Variants in SDK1 observed in about 807,000 individuals in gnomAD.
The protein encoded by SDK1 is protein sidekick-1.
SDK1 carries 157 observed loss-of-function variants against 245.5 expected under a neutral mutation model. The observed-to-expected ratio is 0.64, with a 90% CI of 0.56 to 0.73. The LOEUF is 0.73. Ranked by LOEUF, SDK1 falls within the 30% of genes least tolerant of loss-of-function variation. The pLI is 0.00. For missense variants in SDK1, 3,583 were observed against 3,002.3 expected (o/e 1.19, Z -4.52); for synonymous variants, 1,647 against 1,278.5 (o/e 1.29, Z -6.15).
At chr7:3,988,869 T>G (rs2128139975) in intron 14 of SDK1, among the ~76,000 whole-genome samples, 1 of 152,248 alleles carries the variant, frequency 6.6e-6, no homozygotes, top group Non-Finnish European at 1.5e-5. Context: ...CCTCCTGGGT[T>G]CAAGCGATTC....
Position 4,077,229 on chromosome 7 carries a change from C to G in SDK1, c.3202+40C>G, listed in dbSNP as rs200330502. 1.1e-3 allele frequency: 1,796 copies of G among 1,583,058 alleles called. 2 individuals carry two copies. Among genetic ancestry groups the G allele is most frequent in the Middle Eastern group, 2.0e-3 (12 of 5,954 alleles). ...GTGCGGTCCTCCTGCTGTCACCTTT[C>G]TCTTGGAGATTCCCGAGGCTAGAAG... On this transcript the variant is annotated intron_variant, in intron 21 of 44. Coordinates refer to ENST00000404826, the MANE Select transcript of SDK1 (RefSeq NM_152744.4).
chr7:4,102,261 G>A (rs1275226717), intron 22 of SDK1, among the ~76,000 whole-genome samples: 2 of 152,114 alleles, frequency 1.3e-5, no homozygotes, highest in African/African-American at 2.4e-5. Flanking sequence ...CCCTCTGCAG[G>A]GGCCCTCCAG....
rs1390572173 is a variant in SDK1, at chr7:4,237,668, A to T, written c.6014A>T (p.Tyr2005Phe). Reference sequence around the variant, plus strand: ...ACAGCTCAAGTGGAAGCCCCATTCTACGAGGAGTGGTGGTTCCTCCTGGTG... The same window carrying T: ...ACAGCTCAAGTGGAAGCCCCATTCTTCGAGGAGTGGTGGTTCCTCCTGGTG... ...AVSAQVEAPF[Y>F]EEWWFLLVMA... Residue 2005 changes from tyrosine (Y) to phenylalanine (F), a missense_variant, in exon 42 of 45, where the codon TAC becomes TTC. By Grantham distance (22) the Tyr-to-Phe change is conservative. Coordinates refer to ENST00000404826, the MANE Select transcript of SDK1 (RefSeq NM_152744.4). The T allele has an allele frequency of 6.2e-7, 1 of 1,614,092 alleles. No individual in the cohort carries two copies. Among genetic ancestry groups the T allele is most frequent in the Admixed American group, 1.7e-5 (1 of 60,010 alleles).
intron 10 of SDK1, 126 bp downstream of exon 10, chr7:3,967,560 C>T (rs1782175561): frequency 1.5e-6 from 1 of 672,870 alleles, no homozygotes; most frequent in Non-Finnish European, 2.6e-6. Flanking sequence ...GATTAAATAA[C>T]TCTTATTGCA....
intron 38 of SDK1, among the ~76,000 whole-genome samples, chr7:4,213,014 C>T (rs965926192): frequency 6.6e-6 from 1 of 152,182 alleles, no homozygotes; most frequent in African/African-American, 2.4e-5. Flanking sequence ...GGGCTGGGCG[C>T]AGGGGCCTGT....
chr7:3,795,561 C>T (rs959687486), intron 4 of SDK1, among the ~76,000 whole-genome samples: 3 of 152,092 alleles, frequency 2.0e-5, no homozygotes, highest in South Asian at 2.1e-4. Flanking sequence ...CCTTTTACCC[C>T]TCACTGTATC....
intron 5 of SDK1, among the ~76,000 whole-genome samples, chr7:3,947,176 C>T (rs1010557582): frequency 6.6e-6 from 1 of 152,182 alleles, no homozygotes; most frequent in African/African-American, 2.4e-5. Context: ...CACACACACA[C>T]ACGCTTCTTT....
intron 4 of SDK1, among the ~76,000 whole-genome samples, chr7:3,770,927 C>A: frequency 6.6e-6 from 1 of 152,248 alleles, no homozygotes; most frequent in East Asian, 1.9e-4. Context: ...CATCTTCCTC[C>A]AGTCCTGGGG....
At chr7:3,678,448 G>A (rs1253905469) in intron 4 of SDK1, among the ~76,000 whole-genome samples, 1 of 152,206 alleles carries the variant, frequency 6.6e-6, no homozygotes, top group Non-Finnish European at 1.5e-5. Context: ...TAAAAGGCAG[G>A]AGCTTTGAAA....
At chr7:3,485,173 T>G (rs1051056223) in intron 1 of SDK1, among the ~76,000 whole-genome samples, 1 of 152,130 alleles carries the variant, frequency 6.6e-6, no homozygotes, top group Non-Finnish European at 1.5e-5. Flanking sequence ...TGTTATTTTC[T>G]GTCTTTTTGA....
At chr7:3,570,600 T>C (rs1780083558) in intron 1 of SDK1, among the ~76,000 whole-genome samples, 1 of 152,232 alleles carries the variant, frequency 6.6e-6, no homozygotes, top group South Asian at 2.1e-4. Context: ...AATTCTGTCT[T>C]ATCTGGAAAT....
At chr7:4,164,033 T>A (rs1781339161) in intron 32 of SDK1, among the ~76,000 whole-genome samples, 1 of 152,190 alleles carries the variant, frequency 6.6e-6, no homozygotes, top group Non-Finnish European at 1.5e-5. Flanking sequence ...TTTCTCTTGC[T>A]AAGGGATCCA....
At chr7:3,767,297 C>G (rs1780281802) in intron 4 of SDK1, among the ~76,000 whole-genome samples, 1 of 151,880 alleles carries the variant, frequency 6.6e-6, no homozygotes, top group South Asian at 2.1e-4. Flanking sequence ...GACCCAGGGA[C>G]TAAGGGGAGA....
intron 4 of SDK1, among the ~76,000 whole-genome samples, chr7:3,780,486 AG>A (rs1234971209): frequency 6.6e-6 from 1 of 152,186 alleles, no homozygotes; most frequent in African/African-American, 2.4e-5. Context: ...AGCAGATACC[AG>A]TCAACTTCAT....
chr7:3,888,001 C>G (rs1032553642), intron 5 of SDK1, among the ~76,000 whole-genome samples: 3 of 152,138 alleles, frequency 2.0e-5, no homozygotes, highest in African/African-American at 7.2e-5. Flanking sequence ...GTTCTTGTCA[C>G]CTTAACAATA....
chr7:3,815,794 T>G (rs1263121827), intron 4 of SDK1, among the ~76,000 whole-genome samples: 1 of 150,696 alleles, frequency 6.6e-6, no homozygotes, highest in Non-Finnish European at 1.5e-5. Flanking sequence ...GAATATACAT[T>G]TTTTTCAGCA....
In SDK1 at chr7:3,606,203, T is replaced by C. The variant is rs528421299; in HGVS notation, c.299-12877T>C. ...TCTTTCTGGTTTTTCTGGCCAGAAA[T>C]TTTGGTATCATCATTGATTCTTCTT... On this transcript the variant is annotated intron_variant, in intron 1 of 44. Transcript: ENST00000404826. Among the ~76,000 whole-genome samples, 9 of 152,224 alleles carry C rather than the reference T, an allele frequency of 5.9e-5. No homozygotes were observed. In the South Asian group the frequency reaches 1.9e-3, roughly 32 times the overall value.
intron 1 of SDK1, among the ~76,000 whole-genome samples, chr7:3,374,519 G>A (rs1315302501): frequency 6.6e-6 from 1 of 152,138 alleles, no homozygotes; most frequent in African/African-American, 2.4e-5. Context: ...GCTGCCACCA[G>A]AAGGTCTCTC....
At chr7:3,548,075 G>C (rs1003933469) in intron 1 of SDK1, among the ~76,000 whole-genome samples, 1 of 152,068 alleles carries the variant, frequency 6.6e-6, no homozygotes, top group Non-Finnish European at 1.5e-5. Context: ...TTGTAGTGTA[G>C]GGCAACTGTA....
Sources: gnomAD v4.1 joint callset for allele counts (sites outside exome capture counted in the v4.1 genomes callset) on GRCh38, gnomAD v4.1.1 for gene constraint, MANE v1.5 for transcripts, NCBI Gene and HGNC (gene_info 2026-07-23, HGNC 2026-07-21) for gene names.